CELF1: variants seen among roughly 807,000 people sequenced by gnomAD.
The protein encoded by CELF1 is CUGBP Elav-like family member 1.
In CELF1, 10 loss-of-function variants were observed where a neutral mutation model predicts 61.8. The observed-to-expected ratio is 0.16, with a 90% confidence interval of 0.10 to 0.27. The LOEUF (loss-of-function observed/expected upper bound fraction) is 0.27, where lower values mean the gene tolerates loss of function less well. Among genes scored for constraint, CELF1 ranks in the 10% least tolerant of loss-of-function variants. The pLI, the probability that CELF1 is intolerant of heterozygous loss-of-function variation, is 1.00. For missense variants in CELF1, 380 were observed against 639.1 expected, an observed-to-expected ratio of 0.59 and a Z score of 4.37; for synonymous variants, 236 against 225.1, an observed-to-expected ratio of 1.05 and a Z score of -0.43.
At chr11:47,499,337 GCTT>G (rs1350178825) in intron 3 of CELF1, 113 bp downstream of exon 3, 1 of 737,372 alleles carries the variant, frequency 1.4e-6, no homozygotes, top group East Asian at 2.7e-5. Flanking sequence ...GGTTGTTTTG[GCTT>G]CTTTCCCCAT....
At chr11:47,553,820 T>A (rs28364769), upstream of CELF1, among the ~76,000 whole-genome samples, 34,065 of 148,520 alleles carry the variant, frequency 0.23, 4,831 homozygotes, top group African/African-American at 0.37. Flanking sequence ...ATATATATAT[T>A]TTTTTTTCTT....
At chr11:47,530,934 C>A (rs114180206) in intron 1 of CELF1, among the ~76,000 whole-genome samples, 6,244 of 151,776 alleles carry the variant, frequency 0.041, 421 homozygotes, top group African/African-American at 0.14. Flanking sequence ...CAAGCCTGGG[C>A]GACAAAGGAA....
At chr11:47,472,805 C>T (rs1235666920) in intron 14 of CELF1, among the ~76,000 whole-genome samples, 1 of 152,184 alleles carries the variant, frequency 6.6e-6, no homozygotes, top group Non-Finnish European at 1.5e-5. Flanking sequence ...TTGGCCTCCC[C>T]AAGTACTGGG....
chr11:47,555,290 A>G (rs929211734), upstream of CELF1, among the ~76,000 whole-genome samples: 2 of 152,194 alleles, frequency 1.3e-5, no homozygotes, highest in African/African-American at 4.8e-5. Context: ...GACTCAATAG[A>G]TATTTCTTGA....
chr11:47,522,537 AC>A (rs1281697539), intron 1 of CELF1, among the ~76,000 whole-genome samples: 5 of 145,230 alleles, frequency 3.4e-5, no homozygotes, highest in East Asian at 2.1e-4. Flanking sequence ...AACAACAACA[AC>A]AACAAAACGC....
intron 1 of CELF1, among the ~76,000 whole-genome samples, chr11:47,528,548 G>A (rs2096344790): frequency 6.6e-6 from 1 of 152,114 alleles, no homozygotes; most frequent in Non-Finnish European, 1.5e-5. Flanking sequence ...GAGGCCAGGA[G>A]TTTGAGGCTG....
intron 3 of CELF1, among the ~76,000 whole-genome samples, chr11:47,489,935 G>GTTTTTTTTT (rs561900704): frequency 0.058 from 2,803 of 48,114 alleles, 956 homozygotes; most frequent in Non-Finnish European, 0.069. Flanking sequence ...ATACCATCTT[G>GTTTTTTTTT]TTTTTTTTTT....
At chr11:47,540,926 C>A (rs1184598903) in intron 1 of CELF1, among the ~76,000 whole-genome samples, 1 of 152,006 alleles carries the variant, frequency 6.6e-6, no homozygotes, top group Non-Finnish European at 1.5e-5. Context: ...AACAGGCAAG[C>A]AGCCAGTAAA....
Position 47,466,830 on chromosome 11 carries a change from C to T in CELF1, c.*5400G>A, listed in dbSNP as rs1276269878. 1 of 152,244 alleles carries T rather than the reference C, an allele frequency of 6.6e-6. No homozygotes were observed. The highest frequency in any genetic ancestry group is 1.9e-4 in the East Asian group (1 of 5,200). 9.4% of individuals were successfully genotyped at this position (152,244 alleles called of 1,614,324 possible). Reference sequence around the variant, plus strand: ...GGGGAGCCTCAGTGCCTCCTGCCAACAGAGGCGGCTCTGTGCAGTCAGACT... The same window carrying T: ...GGGGAGCCTCAGTGCCTCCTGCCAATAGAGGCGGCTCTGTGCAGTCAGACT... On this transcript the variant is annotated 3_prime_UTR_variant, in exon 15 of 15. Transcript: ENST00000687097.
rs2076847181 is a variant in CELF1 at position 47,467,397 on chromosome 11, C to T, written c.*4833G>A. ...CCAGGGACAGTAGCTGTTTGGCTCT[C>T]CACCCAATTAAAAAAACAAATCCCT... On this transcript the variant is annotated 3_prime_UTR_variant, in exon 15 of 15. Transcript: ENST00000687097. The T allele has an allele frequency of 6.6e-6, 1 of 152,064 alleles. No homozygotes were observed. The highest frequency in any genetic ancestry group is 2.4e-5 in the African/African-American group (1 of 41,360). 9.4% of individuals were successfully genotyped at this position (152,064 alleles called of 1,614,324 possible).
At position 47,499,514 on chromosome 11, in the gene CELF1, A is replaced by C; in HGVS notation, c.10T>G (p.Phe4Val). ...ATTTCTGGAAGGAAATCCAACTTAAACGCAGCCATCACCTCACTCTCCCCT... is the reference window on the plus strand; with the variant it reads ...ATTTCTGGAAGGAAATCCAACTTAACCGCAGCCATCACCTCACTCTCCCCT... MAA[F>V]KLDFLPEMMV... The change falls in exon 3 of 15, where the codon TTT (phenylalanine) becomes GTT (valine). Residue 4 changes from phenylalanine to valine, a missense_variant. Phe to Val is a conservative substitution (Grantham distance 50). Coordinates refer to ENST00000687097, the MANE Select transcript of CELF1 (RefSeq NM_001376376.1). 1 of 1,535,864 alleles carries C rather than the reference A, an allele frequency of 6.5e-7. No homozygotes were observed. Among genetic ancestry groups the C allele is most frequent in the Non-Finnish European group, 8.7e-7 (1 of 1,146,728 alleles).
intron 3 of CELF1, among the ~76,000 whole-genome samples, chr11:47,489,622 T>C (rs2089913439): frequency 6.6e-6 from 1 of 152,198 alleles, no homozygotes; most frequent in African/African-American, 2.4e-5. Flanking sequence ...CCACCTCTTA[T>C]ATTTCCAGAT....
At chr11:47,492,218 G>T (rs377320852) in intron 3 of CELF1, among the ~76,000 whole-genome samples, 1 of 152,048 alleles carries the variant, frequency 6.6e-6, no homozygotes. Context: ...GGGCTCAAAC[G>T]ATTCTCCCAC....
intron 1 of CELF1, among the ~76,000 whole-genome samples, chr11:47,536,246 G>A (rs911952100): frequency 5.9e-5 from 9 of 152,056 alleles, no homozygotes; most frequent in Non-Finnish European, 1.0e-4. Flanking sequence ...CCAACGGCCT[G>A]TAGTAGCTCT....
intron 1 of CELF1, among the ~76,000 whole-genome samples, chr11:47,541,741 CG>C (rs2096795221): frequency 8.4e-5 from 1 of 11,924 alleles, no homozygotes; most frequent in African/African-American, 1.6e-4. Context: ...AAAGAAAGAA[CG>C]AAAGAAAGAA....
rs2076801906 is a variant in CELF1 at position 47,467,106 on chromosome 11, C to G, written c.*5124G>C. ...GCGCTTCCACCTCCCCCTCCCCAGC[C>G]CCTAGCTACATCTCTCCACCCTTCC... On this transcript the variant is annotated 3_prime_UTR_variant, in exon 15 of 15. Transcript: ENST00000687097. 6.6e-6 allele frequency: 1 copy of G among 152,318 alleles called. No homozygotes were observed. The highest frequency in any genetic ancestry group is 1.5e-5 in the Non-Finnish European group (1 of 68,152). The allele number at this position is 152,318 out of a possible 1,614,324, so 9.4% of individuals were successfully genotyped here.
At chr11:47,482,358 G>C (rs907328686) in intron 9 of CELF1, 1 of 186,598 alleles carries the variant, frequency 5.4e-6, no homozygotes, top group Non-Finnish European at 1.1e-5. Flanking sequence ...AAAGAGATAT[G>C]GAGAAAGACA....
intron 1 of CELF1, among the ~76,000 whole-genome samples, chr11:47,506,340 T>C (rs912712742): frequency 7.0e-6 from 1 of 143,120 alleles, no homozygotes; most frequent in Non-Finnish European, 1.6e-5. Flanking sequence ...GCCAGGAGAA[T>C]TGCTTGAACC....
intron 1 of CELF1, among the ~76,000 whole-genome samples, chr11:47,505,717 G>A (rs935437025): frequency 1.0e-4 from 15 of 149,494 alleles, no homozygotes; most frequent in African/African-American, 3.4e-4. Flanking sequence ...TTGGGAGGCC[G>A]AGGCTGGCAG....
Sources: allele counts gnomAD v4.1 joint callset (sites outside exome capture counted in the v4.1 genomes callset), GRCh38; gene constraint gnomAD v4.1.1; transcripts MANE v1.5; gene names NCBI Gene and HGNC (gene_info 2026-07-23, HGNC 2026-07-21).